The following JARID2 variants were observed in gnomAD, a reference collection of about 807,000 sequenced individuals.
The protein encoded by JARID2 is jumonji and AT-rich interaction domain containing 2.
Under a neutral mutation model 125.6 loss-of-function variants are expected in JARID2, and 21 were observed. That is an observed-to-expected ratio of 0.17 (90% CI 0.12 to 0.24). The LOEUF (loss-of-function observed/expected upper bound fraction) is 0.24, where lower values mean the gene tolerates loss of function less well. Ranked by LOEUF, JARID2 falls within the 10% of genes least tolerant of loss-of-function variation. The pLI is 1.00. For synonymous variants in JARID2, 736 were observed against 661.6 expected (o/e 1.11, Z -1.73); for missense variants, 1,303 against 1,639.6 (o/e 0.79, Z 3.55).
At chr6:15,490,805 A>C (rs1770114100) in intron 6 of JARID2, among the ~76,000 whole-genome samples, 1 of 152,214 alleles carries the variant, frequency 6.6e-6, no homozygotes, top group Non-Finnish European at 1.5e-5. Flanking sequence ...AGGGTTTTGA[A>C]GTATTAGTTT....
At chr6:15,506,164 C>A (rs1413223721) in intron 9 of JARID2, among the ~76,000 whole-genome samples, 2 of 152,148 alleles carry the variant, frequency 1.3e-5, no homozygotes, top group African/African-American at 4.8e-5. Context: ...CTCTGTATTC[C>A]AAAAAAGGCT....
chr6:15,268,622 A>C (rs1359969794), intron 1 of JARID2, among the ~76,000 whole-genome samples: 1 of 152,162 alleles, frequency 6.6e-6, no homozygotes. Flanking sequence ...GGCCTCTGGG[A>C]CTTGAACACA....
intron 4 of JARID2, among the ~76,000 whole-genome samples, chr6:15,458,510 C>G (rs1380364428): frequency 1.3e-5 from 2 of 152,202 alleles, no homozygotes; most frequent in Non-Finnish European, 2.9e-5. Flanking sequence ...TTCTGTCTTA[C>G]AGAATCTTTA....
At chr6:15,480,974 T>TG (rs1769586462) in intron 5 of JARID2, among the ~76,000 whole-genome samples, 1 of 152,278 alleles carries the variant, frequency 6.6e-6, no homozygotes, top group Non-Finnish European at 1.5e-5. Context: ...ACAAGCTCCC[T>TG]GGAGGTATAG....
chr6:15,307,295 C>T (rs923873693), intron 1 of JARID2, among the ~76,000 whole-genome samples: 1 of 151,988 alleles, frequency 6.6e-6, no homozygotes, highest in Non-Finnish European at 1.5e-5. Flanking sequence ...CAGTGGCGCT[C>T]ACTGCAGCCT....
intron 2 of JARID2, among the ~76,000 whole-genome samples, chr6:15,404,519 GCACACA>G (rs3138770): frequency 0.084 from 11,543 of 137,992 alleles, 488 homozygotes; most frequent in Middle Eastern, 0.13. Flanking sequence ...ATCTTAAAGT[GCACACA>G]CACACACACA....
intron 1 of JARID2, among the ~76,000 whole-genome samples, chr6:15,321,268 A>AT (rs1762344555): frequency 6.6e-6 from 1 of 152,072 alleles, no homozygotes; most frequent in African/African-American, 2.4e-5. Context: ...AGGGAATGTC[A>AT]TTTTTTTACA....
At chr6:15,326,225 T>TG (rs1431459030) in intron 1 of JARID2, among the ~76,000 whole-genome samples, 1 of 152,088 alleles carries the variant, frequency 6.6e-6, no homozygotes, top group African/African-American at 2.4e-5. Flanking sequence ...GACATTTTTT[T>TG]GGGGGGTGGA....
chr6:15,355,116 C>A (rs1057038912), intron 1 of JARID2, among the ~76,000 whole-genome samples: 1 of 152,168 alleles, frequency 6.6e-6, no homozygotes, highest in African/African-American at 2.4e-5. Context: ...GAGAGAAAAC[C>A]TTACACATTC....
chr6:15,363,568 A>G (rs1156406296), intron 1 of JARID2, among the ~76,000 whole-genome samples: 8 of 152,154 alleles, frequency 5.3e-5, no homozygotes. Flanking sequence ...TGCTGGACTC[A>G]TTGCTATGTC....
chr6:15,320,850 C>CTGTGTGTGTGTGTGTGTGTG (rs71535033), intron 1 of JARID2, among the ~76,000 whole-genome samples: 1 of 135,020 alleles, frequency 7.4e-6, no homozygotes, highest in African/African-American at 2.8e-5. Context: ...CTCTCTCTCT[C>CTGTGTGTGTGTGTGTGTGTG]TCTGTGTGTG....
chr6:15,461,882 CTT>C (rs112020845), intron 4 of JARID2, among the ~76,000 whole-genome samples: 6 of 145,108 alleles, frequency 4.1e-5, no homozygotes, highest in Admixed American at 6.9e-5. Flanking sequence ...GTGATGGTAT[CTT>C]TTTTTTTTTT....
chr6:15,397,404 A>G (rs9383054), intron 2 of JARID2, among the ~76,000 whole-genome samples: 67,107 of 151,978 alleles, frequency 0.44, 14,970 homozygotes, highest in East Asian at 0.55. Context: ...TCATACGACA[A>G]TCCACACCAC....
intron 1 of JARID2, among the ~76,000 whole-genome samples, chr6:15,329,792 A>C (rs1413623883): frequency 6.6e-6 from 1 of 152,162 alleles, no homozygotes; most frequent in African/African-American, 2.4e-5. Flanking sequence ...AGAAGGCCTG[A>C]GTCTCTGTTA....
intron 7 of JARID2, among the ~76,000 whole-genome samples, chr6:15,500,249 G>T (rs1419716108): frequency 1.3e-5 from 2 of 152,176 alleles, no homozygotes; most frequent in Non-Finnish European, 2.9e-5. Context: ...GAAGCAGCCC[G>T]CTGTCTGGAT....
intron 6 of JARID2, among the ~76,000 whole-genome samples, chr6:15,494,721 C>A (rs557229261): frequency 1.3e-5 from 2 of 152,194 alleles, no homozygotes; most frequent in Non-Finnish European, 2.9e-5. Flanking sequence ...GCCCCACCCC[C>A]ACTTAAGGGG....
At chr6:15,281,956 G>GTGTGTGTGTGTT (rs1328075016) in intron 1 of JARID2, among the ~76,000 whole-genome samples, 1 of 151,206 alleles carries the variant, frequency 6.6e-6, no homozygotes, top group Non-Finnish European at 1.5e-5. Flanking sequence ...GTGTGTGTGT[G>GTGTGTGTGTGTT]TGTGTGTGTT....
At chr6:15,443,788 TA>T (rs1270296826) in intron 3 of JARID2, among the ~76,000 whole-genome samples, 2 of 152,004 alleles carry the variant, frequency 1.3e-5, no homozygotes, top group African/African-American at 4.8e-5. Context: ...AAATAGTCCT[TA>T]AAAAAACCAC....
At position 15,429,889 on chromosome 6, in the gene JARID2, C is replaced by A. The variant is rs527620845; in HGVS notation, c.323+19524C>A. The stretch of plus-strand genomic sequence containing the variant: ...GCCAAAATGTACCGTGTAAATTTTA[C>A]TCCTTGGTACATCTGATTAGTAATA... On this transcript the variant is annotated intron_variant, in intron 3 of 17. Coordinates refer to ENST00000341776, the MANE Select transcript of JARID2 (RefSeq NM_004973.4). 3.3e-5 allele frequency among the ~76,000 whole-genome samples: 5 copies of A among 152,268 alleles called. No homozygotes were observed. In the East Asian group the frequency reaches 9.7e-4, roughly 29 times the overall value.
Sources: allele counts gnomAD v4.1 joint callset (sites outside exome capture counted in the v4.1 genomes callset), GRCh38; gene constraint gnomAD v4.1.1; transcripts MANE v1.5; gene names NCBI Gene and HGNC (gene_info 2026-07-23, HGNC 2026-07-21).